The following CLMP variants were observed in gnomAD, a reference collection of about 807,000 sequenced individuals.
CLMP encodes the protein CXADR like cell adhesion molecule.
In CLMP, 27 loss-of-function variants were observed where a neutral mutation model predicts 45.2. The observed-to-expected ratio is 0.60, with a 90% confidence interval of 0.44 to 0.82. The LOEUF is 0.82. Ranked by LOEUF, CLMP falls within the 40% of genes least tolerant of loss-of-function variation. The pLI is 0.00. For synonymous variants in CLMP, 167 were observed against 171.4 expected, an observed-to-expected ratio of 0.97 and a Z score of 0.20; for missense variants, 403 against 448.4, an observed-to-expected ratio of 0.90 and a Z score of 0.91.
chr11:123,097,757 C>T, intron 2 of CLMP, 38 bp downstream of exon 2: 1 of 1,480,534 alleles, frequency 6.8e-7, no homozygotes, highest in Non-Finnish European at 9.1e-7. Flanking sequence ...TGCAGGAGGA[C>T]AAGAAGGAGG....
intron 1 of CLMP, among the ~76,000 whole-genome samples, chr11:123,119,978 C>T (rs1163504446): frequency 3.9e-5 from 6 of 152,284 alleles, no homozygotes; most frequent in South Asian, 2.1e-4. Flanking sequence ...TGAGCCACCG[C>T]GCCTGGCATA....
intron 1 of CLMP, among the ~76,000 whole-genome samples, chr11:123,155,501 G>A (rs763946733): frequency 2.6e-5 from 4 of 152,226 alleles, no homozygotes; most frequent in South Asian, 2.1e-4. Flanking sequence ...TACGCCCATC[G>A]TGTGAGGAAG....
chr11:123,102,338 T>C (rs1391768288), intron 1 of CLMP, among the ~76,000 whole-genome samples: 5 of 145,058 alleles, frequency 3.4e-5, no homozygotes, highest in Non-Finnish European at 6.0e-5. Context: ...TGGAGTGCAG[T>C]GGCACAATCT....
chr11:123,168,314 C>A lies in CLMP; in HGVS notation c.28+26599G>T, dbSNP rs962729770. Among the ~76,000 whole-genome samples, 5 of 152,130 alleles carry A rather than the reference C, an allele frequency of 3.3e-5. No homozygotes were observed. In the South Asian group the frequency reaches 6.2e-4, roughly 19 times the overall value. ...TTACACCCCAGAGCTGGGGCCACGGCACTCCAGCTTTGACCAGACAGCATC... is the reference window on the plus strand; with the variant it reads ...TTACACCCCAGAGCTGGGGCCACGGAACTCCAGCTTTGACCAGACAGCATC... On this transcript the variant is annotated intron_variant, in intron 1 of 6. Transcript: ENST00000448775.
chr11:123,181,970 G>C, intron 1 of CLMP, among the ~76,000 whole-genome samples: 1 of 152,214 alleles, frequency 6.6e-6, no homozygotes, highest in East Asian at 1.9e-4. Flanking sequence ...ACTTGGAATA[G>C]AGAGAAAGTC....
At position 123,194,926 on chromosome 11, in the gene CLMP, A is replaced by C. The variant is rs1861959459; in HGVS notation, c.15T>G (p.Leu5=). The C allele has an allele frequency of 6.2e-7, 1 of 1,612,854 alleles. No individual in the cohort carries two copies. The change falls in exon 1 of 7, where the codon CTT becomes CTG. Residue 5 remains leucine, a synonymous_variant. Coordinates refer to ENST00000448775, the MANE Select transcript of CLMP (RefSeq NM_024769.5). MSLL[L]LLLLVSYYVG... is the part of the protein sequence containing the mutation. ...AGAGGCACTCACCTAGCAAGAGGAGAAGGAGGAGGGACATCCCGATCCCCG... is the reference window on the plus strand; with the variant it reads ...AGAGGCACTCACCTAGCAAGAGGAGCAGGAGGAGGGACATCCCGATCCCCG...
chr11:123,109,067 A>AG (rs1860601022), intron 1 of CLMP, among the ~76,000 whole-genome samples: 1 of 151,286 alleles, frequency 6.6e-6, no homozygotes, highest in South Asian at 2.1e-4. Flanking sequence ...CTCAAAAAAA[A>AG]AAAAAAAAAA....
intron 1 of CLMP, among the ~76,000 whole-genome samples, chr11:123,148,193 A>G (rs1861266161): frequency 6.6e-6 from 1 of 152,188 alleles, no homozygotes; most frequent in South Asian, 2.1e-4. Context: ...GTGCTACGTA[A>G]GTGTAGCTGT....
chr11:123,150,269 T>C (rs77412627), intron 1 of CLMP, among the ~76,000 whole-genome samples: 6,699 of 150,250 alleles, frequency 0.045, 186 homozygotes, highest in Middle Eastern at 0.08. Context: ...GTGAGACAGA[T>C]AGGCTTGAGA....
chr11:123,163,018 TG>T (rs1461673023), intron 1 of CLMP, among the ~76,000 whole-genome samples: 1 of 151,830 alleles, frequency 6.6e-6, no homozygotes, highest in African/African-American at 2.4e-5. Flanking sequence ...GCTAGGAAAG[TG>T]GGTACCTGTA....
chr11:123,166,952 AT>A (rs1354404530), intron 1 of CLMP, among the ~76,000 whole-genome samples: 1 of 152,142 alleles, frequency 6.6e-6, no homozygotes, highest in Non-Finnish European at 1.5e-5. Flanking sequence ...AAAAAAAAAA[AT>A]CTGCCACCAA....
intron 1 of CLMP, among the ~76,000 whole-genome samples, chr11:123,174,072 ACCCTGTTTCAAAAAAAATTTTT>A (rs1203875695): frequency 1.3e-5 from 2 of 152,088 alleles, no homozygotes; most frequent in African/African-American, 4.8e-5. Flanking sequence ...AACAGGTGGG[ACCCTGTTTCAAAAAAAATTTTT>A]TTTAATAAAA....
At chr11:123,129,764 T>C in intron 1 of CLMP, among the ~76,000 whole-genome samples, 1 of 149,672 alleles carries the variant, frequency 6.7e-6, no homozygotes, top group African/African-American at 2.5e-5. Context: ...CTTTATCTTA[T>C]ACATCAGGCA....
intron 5 of CLMP, among the ~76,000 whole-genome samples, chr11:123,080,913 G>C (rs1865796941): frequency 6.6e-6 from 1 of 152,112 alleles, no homozygotes; most frequent in Non-Finnish European, 1.5e-5. Context: ...GGGAGGCCGA[G>C]GTGGGCGGAT....
chr11:123,091,458 A>C (rs1387318351), intron 2 of CLMP, among the ~76,000 whole-genome samples: 1 of 152,146 alleles, frequency 6.6e-6, no homozygotes, highest in African/African-American at 2.4e-5. Context: ...AGAGCTGCTT[A>C]GACTTTCCAA....
chr11:123,121,611 A>T (rs1270024393), intron 1 of CLMP, among the ~76,000 whole-genome samples: 1 of 151,864 alleles, frequency 6.6e-6, no homozygotes, highest in Non-Finnish European at 1.5e-5. Context: ...GAAAAATTTT[A>T]AAATCACATA....
chr11:123,116,384 T>C (rs898666734), intron 1 of CLMP, among the ~76,000 whole-genome samples: 3 of 151,688 alleles, frequency 2.0e-5, no homozygotes, highest in Non-Finnish European at 2.9e-5. Context: ...CTGGCCAACA[T>C]GATGAAACCC....
rs529520556 is a variant in CLMP at position 123,185,397 on chromosome 11, A to G, written c.28+9516T>C. ...CAATTTGGCGCCAGGGGAGAGAGAGAGAGAGAGAGAGCAGGAGGAAGGTCA... is the reference window on the plus strand; with the variant it reads ...CAATTTGGCGCCAGGGGAGAGAGAGGGAGAGAGAGAGCAGGAGGAAGGTCA... On this transcript the variant is annotated intron_variant, in intron 1 of 6. Transcript: ENST00000448775. 2.0e-5 allele frequency among the ~76,000 whole-genome samples: 3 copies of G among 152,126 alleles called. No homozygotes were observed. The South Asian group carries it at 6.2e-4, about 32-fold the overall frequency.
chr11:123,083,255 T>A (rs1298711008), intron 4 of CLMP, 48 bp from the exon 5 acceptor site: 4 of 1,571,374 alleles, frequency 2.5e-6, no homozygotes, highest in Non-Finnish European at 3.5e-6. Flanking sequence ...TGATGGTATC[T>A]ATATTTATTG....
Sources: gnomAD v4.1 joint callset for allele counts (sites outside exome capture counted in the v4.1 genomes callset) on GRCh38, gnomAD v4.1.1 for gene constraint, MANE v1.5 for transcripts, NCBI Gene and HGNC (gene_info 2026-07-23, HGNC 2026-07-21) for gene names.